Variants in TMPRSS4 observed in about 807,000 individuals in gnomAD.
TMPRSS4 encodes the protein transmembrane protease serine 4.
In TMPRSS4, 45 loss-of-function variants were observed where a neutral mutation model predicts 56.4. The ratio of observed to expected loss-of-function variants is 0.80; its 90% CI spans 0.63 to 1.02. The LOEUF is 1.02. TMPRSS4 is among the 50% of genes least tolerant of loss of function. The pLI is 0.00. For missense variants in TMPRSS4, 546 were observed against 556.7 expected, an observed-to-expected ratio of 0.98 and a Z score of 0.19; for synonymous variants, 205 against 211.0, an observed-to-expected ratio of 0.97 and a Z score of 0.25.
In TMPRSS4 at chr11:118,096,915, G is replaced by A. The variant is rs61260689; in HGVS notation, c.43+2060G>A. Among the ~76,000 whole-genome samples, 75 of 57,058 alleles carry A rather than the reference G, an allele frequency of 1.3e-3. 9 individuals carry two copies. Among genetic ancestry groups the A allele is most frequent in the African/African-American group, 4.2e-3 (70 of 16,844 alleles). The allele number at this position is 57,058 out of a possible 152,430, so 37.4% of individuals were successfully genotyped here. On this transcript the variant is annotated intron_variant, in intron 2 of 12. Transcript: ENST00000437212. ...AGAAAGAAAGAAAGAAAGAAAGGGAGAGAGAAAGGAAAGAAAGAAAGAGAA... is the reference window on the plus strand; with the variant it reads ...AGAAAGAAAGAAAGAAAGAAAGGGAAAGAGAAAGGAAAGAAAGAAAGAGAA...
At chr11:118,110,031 G>C (rs1947198330) in intron 7 of TMPRSS4, among the ~76,000 whole-genome samples, 1 of 152,146 alleles carries the variant, frequency 6.6e-6, no homozygotes, top group African/African-American at 2.4e-5. Context: ...ACACTGAAAG[G>C]GTGGCCAATA....
chr11:118,114,745 C>T (rs973615783), intron 9 of TMPRSS4, 84 bp from the exon 10 acceptor site: 2 of 1,364,658 alleles, frequency 1.5e-6, no homozygotes, highest in Non-Finnish European at 2.0e-6. Flanking sequence ...GCAAGATCCC[C>T]ATAATCATAA....
At chr11:118,077,387 A>C (rs370372265) in intron 1 of TMPRSS4, 82 bp downstream of exon 1, 7 of 1,463,814 alleles carry the variant, frequency 4.8e-6, no homozygotes, top group Non-Finnish European at 5.5e-6. Context: ...CTGAGCATCC[A>C]TCAGCTGAGA....
At chr11:118,096,288 G>C (rs946546778) in intron 2 of TMPRSS4, among the ~76,000 whole-genome samples, 1 of 152,238 alleles carries the variant, frequency 6.6e-6, no homozygotes, top group Non-Finnish European at 1.5e-5. Context: ...CGTGGCCTCT[G>C]TGTCTGAAGT....
intron 6 of TMPRSS4, 156 bp downstream of exon 6, chr11:118,108,031 C>A: frequency 1.7e-6 from 1 of 605,398 alleles, no homozygotes; most frequent in Non-Finnish European, 2.9e-6. Flanking sequence ...ATGCCAAGAG[C>A]TATAGACTCA....
intron 9 of TMPRSS4, among the ~76,000 whole-genome samples, chr11:118,113,976 G>A (rs1425650361): frequency 6.6e-6 from 1 of 152,184 alleles, no homozygotes; most frequent in African/African-American, 2.4e-5. Context: ...GGAGAAGAGA[G>A]GATTCCATTG....
rs774620780 is a variant in TMPRSS4, at chr11:118,111,869, C to G, written c.712C>G (p.His238Asp). 11 of 1,609,694 alleles carry G rather than the reference C, an allele frequency of 6.8e-6. No individual in the cohort carries two copies. The Admixed American group carries it at 1.5e-4, about 22-fold the overall frequency. ...CTGTGGAGGGAGCATCCTGGACCCC[C>G]ACTGGGTCCTCACGGCAGCCCACTG... Reference protein sequence around the residue: ...HVCGGSILDPHWVLTAAHCFR... With the variant: ...HVCGGSILDPDWVLTAAHCFR... The change falls in exon 8 of 13, where the codon CAC becomes GAC. Residue 238 changes from histidine (H) to aspartate (D), a missense_variant. By Grantham distance (81) the His-to-Asp change is moderately conservative (BLOSUM62 -1). Coordinates refer to ENST00000437212, the MANE Select transcript of TMPRSS4 (RefSeq NM_019894.4).
chr11:118,113,299 G>A lies in TMPRSS4; in HGVS notation c.774G>A (p.Val258=), dbSNP rs772034402. 14 of 1,614,080 alleles carry A rather than the reference G, an allele frequency of 8.7e-6. No homozygotes were observed. The South Asian group carries it at 1.4e-4, about 16-fold the overall frequency. ...RKHTDVFNWK[V]RAGSDKLGSF... ...ATACCGATGTGTTCAACTGGAAGGTGCGGGCAGGCTCAGACAAACTGGGCA... is the reference window on the plus strand; with the variant it reads ...ATACCGATGTGTTCAACTGGAAGGTACGGGCAGGCTCAGACAAACTGGGCA... Residue 258 remains valine, a synonymous_variant, in exon 9 of 13, where the codon GTG becomes GTA. Coordinates refer to ENST00000437212, the MANE Select transcript of TMPRSS4 (RefSeq NM_019894.4).
Position 118,111,975 on chromosome 11 carries a change from C to A in TMPRSS4, c.743+75C>A, listed in dbSNP as rs909326460. On this transcript the variant is annotated intron_variant, in intron 8 of 12. Transcript: ENST00000437212. The stretch of plus-strand genomic sequence containing the variant: ...ACCAGAGAGCTTGGGGTCCTGTCTC[C>A]TGGCACCGTCCTTCTCTTCACTCTC... 1.9e-5 allele frequency: 30 copies of A among 1,551,804 alleles called. No homozygotes were observed. In the African/African-American group the frequency reaches 4.1e-4, roughly 21 times the overall value.
In TMPRSS4 at chr11:118,115,253, C is replaced by T; in HGVS notation, c.1125C>T (p.Ile375=). The change falls in exon 11 of 13, where the codon ATC becomes ATT. Residue 375 remains isoleucine (I), a synonymous_variant. Coordinates refer to ENST00000437212, the MANE Select transcript of TMPRSS4 (RefSeq NM_019894.4). ...CCGAGAAGATGATGTGTGCAGGCAT[C>T]CCGGAAGGGGGTGTGGACACCTGCC... ...EVTEKMMCAG[I]PEGGVDTCQG... is the part of the protein sequence containing the mutation. The T allele has an allele frequency of 6.2e-7, 1 of 1,612,498 alleles. No individual in the cohort carries two copies. Among genetic ancestry groups the T allele is most frequent in the South Asian group, 1.1e-5 (1 of 90,298 alleles).
chr11:118,123,026 C>T (rs185833788), downstream of TMPRSS4, among the ~76,000 whole-genome samples: 204 of 152,260 alleles, frequency 1.3e-3, 1 homozygote, highest in Non-Finnish European at 1.6e-4. Context: ...TGCTGGCAAC[C>T]TTGATCTTGG....
At chr11:118,095,129 T>G in intron 2 of TMPRSS4, 2 of 484,234 alleles carry the variant, frequency 4.1e-6, no homozygotes, top group Non-Finnish European at 7.6e-6. Flanking sequence ...CTCTTATCCT[T>G]TCAGTAAAAC....
intron 1 of TMPRSS4, among the ~76,000 whole-genome samples, chr11:118,083,375 A>ACGACAT (rs1359842936): frequency 6.6e-6 from 1 of 152,100 alleles, no homozygotes; most frequent in Non-Finnish European, 1.5e-5. Flanking sequence ...CACAGGTCAC[A>ACGACAT]CGACATCACC....
chr11:118,098,448 T>C (rs948462), intron 2 of TMPRSS4, among the ~76,000 whole-genome samples: 36,169 of 152,208 alleles, frequency 0.24, 4,363 homozygotes, highest in East Asian at 0.32. Flanking sequence ...TGGTAATCTC[T>C]TTAAAGACAA....
chr11:118,091,549 T>C (rs1945966535), intron 1 of TMPRSS4, among the ~76,000 whole-genome samples: 1 of 152,138 alleles, frequency 6.6e-6, no homozygotes, highest in Non-Finnish European at 1.5e-5. Context: ...AACAAGCTTC[T>C]TGGGGACAGA....
intron 1 of TMPRSS4, among the ~76,000 whole-genome samples, 188 bp from the exon 2 acceptor site, chr11:118,094,628 A>C (rs1299616142): frequency 6.6e-6 from 1 of 152,224 alleles, no homozygotes; most frequent in Non-Finnish European, 1.5e-5. Context: ...TAAGTAAACT[A>C]ATTGAAACAG....
At chr11:118,081,725 C>T (rs1389429789) in intron 1 of TMPRSS4, among the ~76,000 whole-genome samples, 3 of 152,198 alleles carry the variant, frequency 2.0e-5, no homozygotes, top group African/African-American at 7.2e-5. Flanking sequence ...ATCCTGCTGT[C>T]TCAGTTTCTT....
Position 118,119,387 on chromosome 11 carries a change from G to A in TMPRSS4, c.*1474G>A. ...TGGAGGAAAATTTCCCAAATTTAGA[G>A]CCTCAGGATTCCCAAAGATCCTCCA... On this transcript the variant is annotated 3_prime_UTR_variant, in exon 13 of 13. Coordinates refer to ENST00000437212, the MANE Select transcript of TMPRSS4 (RefSeq NM_019894.4). 1 of 981,994 alleles carries A rather than the reference G, an allele frequency of 1.0e-6. No individual in the cohort carries two copies. The highest frequency in any genetic ancestry group is 1.2e-6 in the Non-Finnish European group (1 of 826,902). 60.8% of individuals were successfully genotyped at this position (981,994 alleles called of 1,614,324 possible). A position where few individuals can be genotyped will look rare whatever the true frequency, so the allele number is the denominator to read the frequency against.
intron 1 of TMPRSS4, among the ~76,000 whole-genome samples, chr11:118,086,323 T>G (rs983418077): frequency 6.6e-6 from 1 of 152,254 alleles, no homozygotes; most frequent in Non-Finnish European, 1.5e-5. Context: ...GGCCCTGCCC[T>G]GGAGCCATTA....
Sources: allele counts gnomAD v4.1 joint callset (sites outside exome capture counted in the v4.1 genomes callset), GRCh38; gene constraint gnomAD v4.1.1; transcripts MANE v1.5; gene names NCBI Gene and HGNC (gene_info 2026-07-23, HGNC 2026-07-21).